Variants in COL20A1 observed in about 807,000 individuals in gnomAD.
The protein encoded by COL20A1 is collagen alpha-1(XX) chain.
COL20A1 carries 164 observed loss-of-function variants against 152.9 expected under a neutral mutation model. That is an observed-to-expected ratio of 1.07 (90% CI 0.94 to 1.22). The LOEUF (loss-of-function observed/expected upper bound fraction) is 1.22. COL20A1 is among the 50% of genes most tolerant of loss of function. COL20A1 has a pLI of 0.00. For synonymous variants in COL20A1, 864 were observed against 756.0 expected, an observed-to-expected ratio of 1.14 and a Z score of -2.34; for missense variants, 1,873 against 1,744.8, an observed-to-expected ratio of 1.07 and a Z score of -1.31.
At position 63,328,472 on chromosome 20, in the gene COL20A1, G is replaced by C; in HGVS notation, c.3755G>C (p.Arg1252Pro). The part of the protein sequence containing the change: ...SKALVPGEWG[R>P]GGRHLEGRGE... Reference sequence around the variant, plus strand: ...GCCCTGGTTCCTGGAGAATGGGGGCGTGGTGGCCGCCACCTTGAGGGCAGA... The same window carrying C: ...GCCCTGGTTCCTGGAGAATGGGGGCCTGGTGGCCGCCACCTTGAGGGCAGA... The change falls in exon 34 of 36, where the codon CGT becomes CCT. Residue 1252 changes from arginine to proline, a missense_variant. By Grantham distance (103) the Arg-to-Pro change is moderately radical. Transcript: ENST00000358894. 3.1e-6 allele frequency: 5 copies of C among 1,612,090 alleles called. No homozygotes were observed. Among genetic ancestry groups the C allele is most frequent in the Non-Finnish European group, 4.2e-6 (5 of 1,179,418 alleles).
At chr20:63,323,310 A>T (rs1288533818) in intron 27 of COL20A1, among the ~76,000 whole-genome samples, 1 of 152,044 alleles carries the variant, frequency 6.6e-6, no homozygotes, top group Admixed American at 6.5e-5. Flanking sequence ...TTGTCTTTTG[A>T]CCTTGTTTGC....
Position 63,303,685 on chromosome 20 carries a change from C to G in COL20A1, c.194-1732C>G, listed in dbSNP as rs115828693. On this transcript the variant is annotated intron_variant, in intron 3 of 35. Coordinates refer to ENST00000358894, the MANE Select transcript of COL20A1 (RefSeq NM_020882.4). ...TGCTCAGCCAAGAACAGAGGGTCCT[C>G]CCTGGCTGGTCACTCCCTGGCGCGG... Among the ~76,000 whole-genome samples, 317 of 152,332 alleles carry G rather than the reference C, an allele frequency of 2.1e-3. No individual in the cohort carries two copies. In the Middle Eastern group the frequency reaches 0.034, roughly 16 times the overall value.
At chr20:63,323,714 T>C (rs750189484) in intron 27 of COL20A1, among the ~76,000 whole-genome samples, 3 of 152,222 alleles carry the variant, frequency 2.0e-5, no homozygotes, top group Non-Finnish European at 4.4e-5. Flanking sequence ...CGTTGATGTG[T>C]CTGTTGTTCA....
intron 21 of COL20A1, among the ~76,000 whole-genome samples, chr20:63,317,486 A>G (rs1268439410): frequency 6.7e-6 from 1 of 148,704 alleles, no homozygotes; most frequent in Non-Finnish European, 1.5e-5. Context: ...AAAAAAAAAA[A>G]GAAGTTACAA....
chr20:63,327,960 A>G lies in COL20A1; in HGVS notation c.3537A>G (p.Pro1179=). The part of the protein sequence containing the change: ...PPGTVGPTGL[P]GPKGERGEKG... ...CTTCCCCTCCTCATCAGGGACTGCC[A>G]GGGCCCAAAGGGGAACGAGGAGAGA... is the stretch of plus-strand genomic sequence containing the variant. Residue 1179 remains proline (P), a synonymous_variant, in exon 32 of 36, where the codon CCA becomes CCG. Transcript: ENST00000358894. The G allele has an allele frequency of 6.2e-7, 1 of 1,602,836 alleles. No individual in the cohort carries two copies. The highest frequency in any genetic ancestry group is 8.5e-7 in the Non-Finnish European group (1 of 1,174,378).
intron 1 of COL20A1, among the ~76,000 whole-genome samples, chr20:63,294,373 TC>T (rs1213176196): frequency 7.9e-5 from 12 of 151,206 alleles, no homozygotes; most frequent in African/African-American, 7.3e-5. Flanking sequence ...GGCCTCTGAG[TC>T]CCCCTCAGCT....
In COL20A1 at chr20:63,308,611, AGGT is replaced by A. The variant is rs2067962029; in HGVS notation, c.850_852del (p.Val284del). On this transcript the variant is annotated inframe_deletion, in exon 8 of 36. Transcript: ENST00000358894. ...GCTGGCCTCCGTCCAGAGGCAGCCAAGGTGGTGATTCTGGTGACGGACGGCAAG... is the reference window on the plus strand; with the variant it reads ...GCTGGCCTCCGTCCAGAGGCAGCCAAGGTGATTCTGGTGACGGACGGCAAG... 1 of 1,606,324 alleles carries A rather than the reference AGGT, an allele frequency of 6.2e-7. No individual in the cohort carries two copies. Among genetic ancestry groups the A allele is most frequent in the Non-Finnish European group, 8.5e-7 (1 of 1,177,150 alleles).
intron 15 of COL20A1, 91 bp from the exon 16 acceptor site, chr20:63,312,701 G>A: frequency 6.8e-7 from 1 of 1,465,964 alleles, no homozygotes; most frequent in Non-Finnish European, 9.2e-7. Flanking sequence ...GATGGATGGG[G>A]GTATAGGGTG....
At chr20:63,310,298 A>G in intron 10 of COL20A1, 83 bp from the exon 11 acceptor site, 1 of 1,501,050 alleles carries the variant, frequency 6.7e-7, no homozygotes, top group Non-Finnish European at 9.1e-7. Flanking sequence ...CTGAGCTCAC[A>G]CTCCAGCTGA....
chr20:63,319,515 C>T lies in COL20A1; in HGVS notation c.2835C>T (p.His945=). 6.3e-7 allele frequency: 1 copy of T among 1,592,378 alleles called. No individual in the cohort carries two copies. Among genetic ancestry groups the T allele is most frequent in the Non-Finnish European group, 8.5e-7 (1 of 1,170,206 alleles). ...DAGKKSLTYF[H]RDPRAALQEA... ...GGAAGAAGTCCCTGACCTACTTCCA[C>T]CGTGACCCCAGGGCTGCCTTGCAGG... The change falls in exon 23 of 36, where the codon CAC becomes CAT. Residue 945 remains histidine, a synonymous_variant. Transcript: ENST00000358894. The surrounding 1 kb of genome is among the most constrained non-coding windows in gnomAD (Gnocchi z 4.4).
intron 7 of COL20A1, 80 bp from the exon 8 acceptor site, chr20:63,308,462 C>G (rs2067959237): frequency 1.5e-6 from 2 of 1,327,854 alleles, no homozygotes; most frequent in Non-Finnish European, 1.0e-6. Context: ...AGGAGCATCT[C>G]TGCTGTCCGG....
rs2123415022 is a variant in COL20A1, at chr20:63,316,662, C to G, written c.2634C>G (p.Phe878Leu). ...AFGGTPTFTL[F>L]KDAQLTRRVS... ...GTGGGACCCCGACCTTCACGCTCTT[C>G]AAGGACGCCCAGCTGACAAGACGGG... The change falls in exon 21 of 36, where the codon TTC becomes TTG. Residue 878 changes from phenylalanine to leucine, a missense_variant. By Grantham distance (22) the Phe-to-Leu change is conservative. Transcript: ENST00000358894. 6.4e-7 allele frequency: 1 copy of G among 1,573,250 alleles called. No individual in the cohort carries two copies. The highest frequency in any genetic ancestry group is 1.2e-5 in the South Asian group (1 of 85,592).
chr20:63,298,634 C>T (rs1222126626), intron 3 of COL20A1, among the ~76,000 whole-genome samples: 21 of 152,216 alleles, frequency 1.4e-4, no homozygotes, highest in Non-Finnish European at 2.5e-4. Context: ...AGTCTCAATG[C>T]GTCAGGGGCA....
rs531716507 is a variant in COL20A1, at chr20:63,334,706, G to A, written c.*3990G>A. 71 of 152,354 alleles carry A rather than the reference G, an allele frequency of 4.7e-4. No individual in the cohort carries two copies. Among genetic ancestry groups the A allele is most frequent in the African/African-American group, 1.7e-3 (70 of 41,584 alleles). The allele number at this position is 152,354 out of a possible 1,614,324, so 9.4% of individuals were successfully genotyped here. A position where few individuals can be genotyped will look rare whatever the true frequency, so the allele number is the denominator to read the frequency against. On this transcript the variant is annotated 3_prime_UTR_variant, in exon 36 of 36. Transcript: ENST00000358894. ...CCCAAAGTGGTGGGATTACAGGTGT[G>A]AGTCACCTCACCGGCCCTTAAACAC...
chr20:63,318,915 G>A (rs572813051), intron 21 of COL20A1, 143 bp from the exon 22 acceptor site: 178 of 658,334 alleles, frequency 2.7e-4, no homozygotes, highest in Non-Finnish European at 4.3e-4. Flanking sequence ...TGGGAAGGGT[G>A]TGCGGGTGCA....
intron 6 of COL20A1, 144 bp from the exon 7 acceptor site, chr20:63,307,827 C>T: frequency 1.7e-6 from 2 of 1,196,958 alleles, no homozygotes; most frequent in Non-Finnish European, 1.2e-6. Flanking sequence ...CCTGGCTCTG[C>T]AAGCGTCCTC....
In COL20A1 at chr20:63,309,752, C is replaced by A; in HGVS notation, c.1106-6C>A. ...CACCTGCCCCCCACTCCCGCTACTC[C>A]AGCAGCAGCGGCTCCAGCCCTGGAC... On this transcript the variant is annotated splice_region_variant and splice_polypyrimidine_tract_variant and intron_variant, in intron 9 of 35. Transcript: ENST00000358894. 6.4e-7 allele frequency: 1 copy of A among 1,563,072 alleles called. No homozygotes were observed. The highest frequency in any genetic ancestry group is 2.3e-5 in the East Asian group (1 of 42,838).
intron 11 of COL20A1, among the ~76,000 whole-genome samples, chr20:63,310,836 C>T (rs994599171): frequency 6.6e-6 from 1 of 152,098 alleles, no homozygotes; most frequent in African/African-American, 2.4e-5. Flanking sequence ...GGTTCTTGGA[C>T]CCCCAGGGAC....
chr20:63,323,314 T>C (rs2068194556), intron 27 of COL20A1, among the ~76,000 whole-genome samples: 1 of 152,270 alleles, frequency 6.6e-6, no homozygotes, highest in African/African-American at 2.4e-5. Context: ...CTTTTGACCT[T>C]GTTTGCGACG....
Sources: allele counts gnomAD v4.1 joint callset (sites outside exome capture counted in the v4.1 genomes callset), GRCh38; gene constraint gnomAD v4.1.1; non-coding constraint Gnocchi (gnomAD v3.1); transcripts MANE v1.5; gene names NCBI Gene and HGNC (gene_info 2026-07-23, HGNC 2026-07-21).